The following HIVEP2 variants were observed in gnomAD, a reference collection of about 807,000 sequenced individuals.
HIVEP2 encodes transcription factor HIVEP2.
Under a neutral mutation model 180.7 loss-of-function variants are expected in HIVEP2, and 14 were observed. That is an observed-to-expected ratio of 0.08 (90% CI 0.05 to 0.12). HIVEP2 has a LOEUF of 0.12. HIVEP2 is among the 10% of genes least tolerant of loss of function. The pLI, the probability that HIVEP2 is intolerant of heterozygous loss-of-function variation, is 1.00. For synonymous variants in HIVEP2, 1,184 were observed against 1,136.4 expected (o/e 1.04, Z -0.84); for missense variants, 2,579 against 3,008.5 (o/e 0.86, Z 3.34).
intron 2 of HIVEP2, among the ~76,000 whole-genome samples, chr6:142,807,208 C>T (rs1484943012): frequency 6.6e-6 from 1 of 152,116 alleles, no homozygotes; most frequent in African/African-American, 2.4e-5. Flanking sequence ...CTTCATAGTT[C>T]TGAGTAGAGG....
At chr6:142,828,708 G>A (rs1774985548) in intron 2 of HIVEP2, among the ~76,000 whole-genome samples, 1 of 152,140 alleles carries the variant, frequency 6.6e-6, no homozygotes, top group African/African-American at 2.4e-5. Context: ...GGGATGACAG[G>A]TGTGAGCCAC....
chr6:142,849,826 G>C (rs1020294648), intron 1 of HIVEP2, among the ~76,000 whole-genome samples: 1 of 151,892 alleles, frequency 6.6e-6, no homozygotes, highest in African/African-American at 2.4e-5. Context: ...GCCTAGAGTG[G>C]GTTTCTGTAA....
At chr6:142,782,360 C>T (rs1400557162) in intron 3 of HIVEP2, among the ~76,000 whole-genome samples, 6 of 152,058 alleles carry the variant, frequency 3.9e-5, no homozygotes, top group East Asian at 1.9e-4. Flanking sequence ...ATTGATCCCA[C>T]GAGTCACTTA....
intron 2 of HIVEP2, among the ~76,000 whole-genome samples, chr6:142,828,593 T>A (rs1774982602): frequency 6.6e-6 from 1 of 152,064 alleles, no homozygotes; most frequent in African/African-American, 2.4e-5. Context: ...TATGCCACCA[T>A]GCTTGGCTAA....
chr6:142,754,006 A>G, intron 9 of HIVEP2, 75 bp from the exon 10 acceptor site: 1 of 739,814 alleles, frequency 1.4e-6, no homozygotes, highest in Non-Finnish European at 2.2e-6. Context: ...TGTTGGATTC[A>G]TTCACTCACC....
intron 1 of HIVEP2, among the ~76,000 whole-genome samples, chr6:142,892,583 T>C (rs1194527418): frequency 1.3e-5 from 2 of 152,190 alleles, no homozygotes; most frequent in Non-Finnish European, 2.9e-5. Flanking sequence ...TTGGTCTATC[T>C]TCATTAAACA....
chr6:142,920,900 G>A (rs761521858), intron 1 of HIVEP2, among the ~76,000 whole-genome samples: 2 of 152,042 alleles, frequency 1.3e-5, no homozygotes, highest in Non-Finnish European at 2.9e-5. Context: ...GGAGGATCCT[G>A]TGAGCCCAGG....
At chr6:142,942,012 T>G (rs1419946245) in intron 1 of HIVEP2, among the ~76,000 whole-genome samples, 3 of 152,192 alleles carry the variant, frequency 2.0e-5, no homozygotes, top group Non-Finnish European at 2.9e-5. Context: ...CCGATTGACC[T>G]TAGCCACTTT....
chr6:142,892,433 C>T (rs1474927266), intron 1 of HIVEP2, among the ~76,000 whole-genome samples: 5 of 152,148 alleles, frequency 3.3e-5, no homozygotes, highest in Non-Finnish European at 7.3e-5. Context: ...CAACCTGACC[C>T]CCCAAGAGTC....
chr6:142,783,440 T>C (rs1775908760), intron 3 of HIVEP2, 81 bp downstream of exon 3: 1 of 151,906 alleles, frequency 6.6e-6, no homozygotes, highest in African/African-American at 2.4e-5. Context: ...CCAGTTTATA[T>C]ATGAGTCCAT....
intron 1 of HIVEP2, among the ~76,000 whole-genome samples, chr6:142,898,720 G>A (rs909160409): frequency 1.3e-5 from 2 of 151,866 alleles, no homozygotes; most frequent in Non-Finnish European, 2.9e-5. Context: ...TTTCTCAAAG[G>A]CCTGCTCATC....
chr6:142,799,981 AT>A (rs1427309861), intron 2 of HIVEP2, among the ~76,000 whole-genome samples: 1 of 152,104 alleles, frequency 6.6e-6, no homozygotes, highest in East Asian at 1.9e-4. Flanking sequence ...GCTAAAGGCT[AT>A]TTTTTTCCTA....
At chr6:142,866,900 A>C (rs190531746) in intron 1 of HIVEP2, among the ~76,000 whole-genome samples, 11 of 152,298 alleles carry the variant, frequency 7.2e-5, no homozygotes, top group Admixed American at 3.9e-4. Flanking sequence ...AAAAGCGAAA[A>C]AGAAAATAAA....
intron 2 of HIVEP2, among the ~76,000 whole-genome samples, chr6:142,823,137 G>A (rs114717129): frequency 6.6e-4 from 100 of 152,188 alleles, no homozygotes; most frequent in African/African-American, 2.2e-3. Flanking sequence ...CCCCTCTGCC[G>A]CCTCTGCAGA....
intron 1 of HIVEP2, among the ~76,000 whole-genome samples, chr6:142,880,502 C>A (rs1486175821): frequency 6.6e-6 from 1 of 152,180 alleles, no homozygotes; most frequent in Non-Finnish European, 1.5e-5. Context: ...CCTCTCTTCT[C>A]AGGGATCATT....
At position 142,753,202 on chromosome 6, in the gene HIVEP2, C is replaced by T; in HGVS notation, c.7246G>A (p.Asp2416Asn). The T allele has an allele frequency of 6.2e-7, 1 of 1,613,888 alleles. No homozygotes were observed. Among genetic ancestry groups the T allele is most frequent in the Non-Finnish European group, 8.5e-7 (1 of 1,179,742 alleles). Residue 2416 changes from aspartate to asparagine, a missense_variant, in exon 10 of 10, where the codon GAT (aspartate) becomes AAT (asparagine). Asp to Asn is a conservative substitution (Grantham distance 23). Around this residue, in one of 11 missense-constraint regions of HIVEP2, gnomAD observed 660 missense variants for 731.7 expected, o/e 0.90. Transcript: ENST00000367603. ...CTGTGAAAGTCCAACTGCTTGTCATCCACACAACTCTTGCTGTAAAACGTG... is the reference window on the plus strand; with the variant it reads ...CTGTGAAAGTCCAACTGCTTGTCATTCACACAACTCTTGCTGTAAAACGTG... ...HSTFYSKSCV[D>N]DKQLDFHSSK...
chr6:142,937,092 A>T (rs892323996), intron 1 of HIVEP2, among the ~76,000 whole-genome samples: 9 of 152,132 alleles, frequency 5.9e-5, no homozygotes, highest in Admixed American at 3.3e-4. Context: ...TAGAGCAAAA[A>T]CTTCAGAATG....
intron 1 of HIVEP2, among the ~76,000 whole-genome samples, chr6:142,889,486 C>T (rs1448922549): frequency 6.6e-6 from 1 of 151,962 alleles, no homozygotes; most frequent in Non-Finnish European, 1.5e-5. Context: ...AACAAATAAA[C>T]AAAACTCCTG....
intron 1 of HIVEP2, among the ~76,000 whole-genome samples, chr6:142,868,092 G>A (rs927256443): frequency 2.7e-4 from 41 of 152,252 alleles, no homozygotes; most frequent in African/African-American, 9.1e-4. Flanking sequence ...AGCTGTGTCA[G>A]TAATTTCCGC....
Sources: gnomAD v4.1 joint callset for allele counts (sites outside exome capture counted in the v4.1 genomes callset) on GRCh38, gnomAD v4.1.1 for gene constraint, gnomAD v4.1.1 regional missense constraint, MANE v1.5 for transcripts, NCBI Gene and HGNC (gene_info 2026-07-23, HGNC 2026-07-21) for gene names.